The following ROBO1 variants were observed in gnomAD, a reference collection of about 807,000 sequenced individuals.
ROBO1 encodes roundabout homolog 1.
Under a neutral mutation model 195.9 loss-of-function variants are expected in ROBO1, and 149 were observed. That is an observed-to-expected ratio of 0.76 (90% CI 0.67 to 0.87). The LOEUF (loss-of-function observed/expected upper bound fraction) is 0.87. Among genes scored for constraint, ROBO1 ranks in the 40% least tolerant of loss-of-function variants. The pLI is 0.00. For synonymous variants in ROBO1, 816 were observed against 733.2 expected, an observed-to-expected ratio of 1.11 and a Z score of -1.82; for missense variants, 1,933 against 2,068.3, an observed-to-expected ratio of 0.93 and a Z score of 1.27.
chr3:79,384,378 A>G (rs765905200), intron 2 of ROBO1, among the ~76,000 whole-genome samples: 4 of 151,924 alleles, frequency 2.6e-5, no homozygotes, highest in Non-Finnish European at 5.9e-5. Flanking sequence ...GTAAAAATAA[A>G]CCTGTTTTAT....
intron 3 of ROBO1, among the ~76,000 whole-genome samples, chr3:79,096,730 GTA>G (rs915046773): frequency 2.0e-5 from 3 of 150,138 alleles, no homozygotes; most frequent in Admixed American, 6.7e-5. Context: ...ATATAAATAT[GTA>G]TATATGTGTG....
chr3:79,410,707 GA>G (rs1419519650), intron 2 of ROBO1, among the ~76,000 whole-genome samples: 1 of 151,868 alleles, frequency 6.6e-6, no homozygotes, highest in East Asian at 1.9e-4. Flanking sequence ...GGAAAGAAAG[GA>G]AAGAAGAAGA....
chr3:79,051,742 A>T (rs2078703435), intron 3 of ROBO1, among the ~76,000 whole-genome samples: 1 of 152,164 alleles, frequency 6.6e-6, no homozygotes, highest in Non-Finnish European at 1.5e-5. Context: ...AAGATTTCAC[A>T]GACATTTATT....
chr3:79,524,017 C>T (rs527818345), intron 2 of ROBO1, among the ~76,000 whole-genome samples: 23 of 152,066 alleles, frequency 1.5e-4, no homozygotes, highest in East Asian at 5.8e-4. Flanking sequence ...ACCTCATGAA[C>T]GGCATCAACT....
intron 2 of ROBO1, among the ~76,000 whole-genome samples, chr3:79,464,616 G>A (rs1057257304): frequency 2.0e-5 from 3 of 151,938 alleles, no homozygotes; most frequent in Non-Finnish European, 2.9e-5. Context: ...TGCATTTTAA[G>A]TATTTTTTAT....
chr3:78,823,676 C>G (rs2031273096), intron 4 of ROBO1, among the ~76,000 whole-genome samples: 2 of 152,172 alleles, frequency 1.3e-5, no homozygotes, highest in Non-Finnish European at 2.9e-5. Context: ...TTGCCCTTTT[C>G]TGTCTCTAAG....
At chr3:79,303,518 T>G (rs2109069040) in intron 2 of ROBO1, among the ~76,000 whole-genome samples, 1 of 152,224 alleles carries the variant, frequency 6.6e-6, no homozygotes, top group South Asian at 2.1e-4. Context: ...TCAGCATTTT[T>G]CAAGAATACA....
intron 3 of ROBO1, among the ~76,000 whole-genome samples, chr3:78,968,271 CTTTT>C (rs35361494): frequency 8.4e-6 from 1 of 119,454 alleles, no homozygotes; most frequent in Non-Finnish European, 1.7e-5. Context: ...TGTATAGATT[CTTTT>C]TTTTTTTTTT....
chr3:79,675,242 T>A (rs1054845173), intron 1 of ROBO1, among the ~76,000 whole-genome samples: 37 of 150,968 alleles, frequency 2.5e-4, no homozygotes, highest in Non-Finnish European at 3.2e-4. Context: ...GTGTTTTTTT[T>A]ATTTATATGT....
chr3:79,213,372 A>G (rs991905276), intron 2 of ROBO1, among the ~76,000 whole-genome samples: 2 of 152,238 alleles, frequency 1.3e-5, no homozygotes, highest in African/African-American at 2.4e-5. Flanking sequence ...AATATTTAGC[A>G]CATTTATTTT....
At chr3:78,921,216 C>T (rs991916587) in intron 4 of ROBO1, among the ~76,000 whole-genome samples, 1 of 152,120 alleles carries the variant, frequency 6.6e-6, no homozygotes, top group Non-Finnish European at 1.5e-5. Context: ...TGGTTTTCCA[C>T]AAAACAATTT....
chr3:78,711,354 C>CTTTCTTTCTTT (rs1559772810), intron 8 of ROBO1, among the ~76,000 whole-genome samples: 2 of 65,160 alleles, frequency 3.1e-5, no homozygotes, highest in South Asian at 6.7e-4. Flanking sequence ...CTTCCTCCTT[C>CTTTCTTTCTTT]CTTCCTTCCT....
intron 11 of ROBO1, among the ~76,000 whole-genome samples, chr3:78,669,027 C>T (rs1707901492): frequency 6.6e-6 from 1 of 152,106 alleles, no homozygotes; most frequent in Non-Finnish European, 1.5e-5. Flanking sequence ...AAAGGATAGG[C>T]ATCATAGAAT....
chr3:79,116,472 T>C (rs1433583063), intron 3 of ROBO1, among the ~76,000 whole-genome samples: 1 of 150,328 alleles, frequency 6.7e-6, no homozygotes, highest in Non-Finnish European at 1.5e-5. Flanking sequence ...CTTTGTTTCT[T>C]TCTCTCTTTC....
intron 3 of ROBO1, among the ~76,000 whole-genome samples, chr3:79,109,423 A>G (rs919163500): frequency 3.3e-5 from 5 of 152,106 alleles, no homozygotes; most frequent in Non-Finnish European, 5.9e-5. Flanking sequence ...TTTACATACC[A>G]CATAAATGAA....
At chr3:78,615,584 AC>A (rs746809847) in intron 27 of ROBO1, among the ~76,000 whole-genome samples, 3 of 152,222 alleles carry the variant, frequency 2.0e-5, no homozygotes, top group Admixed American at 6.6e-5. Flanking sequence ...TACAACACCT[AC>A]AACATATTTA....
chr3:79,579,406 G>A (rs1448265347), intron 2 of ROBO1, among the ~76,000 whole-genome samples: 2 of 152,142 alleles, frequency 1.3e-5, no homozygotes, highest in Non-Finnish European at 2.9e-5. Context: ...AAGAAAGGAA[G>A]ACACCCTTAG....
intron 5 of ROBO1, among the ~76,000 whole-genome samples, chr3:78,727,422 T>G (rs771196525): frequency 4.3e-4 from 66 of 152,136 alleles, no homozygotes; most frequent in African/African-American, 1.5e-3. Context: ...GTCAGGAGAT[T>G]GAGACCATCC....
rs140324169 is a variant in ROBO1 at position 79,245,982 on chromosome 3, C to A, written c.89-120443G>T. On this transcript the variant is annotated intron_variant, in intron 2 of 30. Transcript: ENST00000464233. ...ATCTCTGACTCAAATGGTCCCAAGT[C>A]AAGTGTGACCCAATAATGTGTTGAA... 3.2e-3 allele frequency among the ~76,000 whole-genome samples: 486 copies of A among 152,142 alleles called. 2 individuals are homozygous for A. The highest frequency in any genetic ancestry group is 0.011 in the African/African-American group (460 of 41,532).
Sources: gnomAD v4.1 joint callset for allele counts (sites outside exome capture counted in the v4.1 genomes callset) on GRCh38, gnomAD v4.1.1 for gene constraint, MANE v1.5 for transcripts, NCBI Gene and HGNC (gene_info 2026-07-23, HGNC 2026-07-21) for gene names.